PCNX1: variants seen among roughly 807,000 people sequenced by gnomAD.
PCNX1 encodes pecanex-like protein 1.
PCNX1 carries 78 observed loss-of-function variants against 242.2 expected under a neutral mutation model. The observed-to-expected ratio is 0.32, with a 90% CI of 0.27 to 0.39. The LOEUF is 0.39. Among genes scored for constraint, PCNX1 ranks in the 10% least tolerant of loss-of-function variants. The pLI, the probability that PCNX1 is intolerant of heterozygous loss-of-function variation, is 1.00. For synonymous variants in PCNX1, 1,024 were observed against 1,032.9 expected, an observed-to-expected ratio of 0.99 and a Z score of 0.17; for missense variants, 2,581 against 2,856.5, an observed-to-expected ratio of 0.90 and a Z score of 2.20.
intron 2 of PCNX1, among the ~76,000 whole-genome samples, chr14:70,948,091 C>G (rs1229262588): frequency 6.6e-6 from 1 of 152,216 alleles, no homozygotes; most frequent in Non-Finnish European, 1.5e-5. Context: ...CAATGACAAT[C>G]TGTGCATAGC....
At chr14:71,087,092 G>A (rs1040222457) in intron 28 of PCNX1, among the ~76,000 whole-genome samples, 4 of 152,106 alleles carry the variant, frequency 2.6e-5, no homozygotes, top group African/African-American at 4.8e-5. Flanking sequence ...AAGATCACCC[G>A]TCATTTTATC....
At chr14:71,005,131 A>T (rs979467549) in intron 8 of PCNX1, among the ~76,000 whole-genome samples, 36 of 152,174 alleles carry the variant, frequency 2.4e-4, no homozygotes, top group African/African-American at 8.4e-4. Context: ...TTAGAAAAAC[A>T]CTATGGATGA....
intron 7 of PCNX1, among the ~76,000 whole-genome samples, chr14:70,994,425 A>ATATATATATATATATATATATG (rs1463923456): frequency 8.9e-6 from 1 of 112,716 alleles, no homozygotes; most frequent in Non-Finnish European, 1.9e-5. Context: ...ATATATATAT[A>ATATATATATATATATATATATG]TATATGTATG....
chr14:70,962,359 CT>C, intron 3 of PCNX1, 28 bp downstream of exon 3: 13 of 1,250,178 alleles, frequency 1.0e-5, no homozygotes, highest in South Asian at 1.2e-5. Flanking sequence ...TTTATTTTGC[CT>C]TTTTCCCTCC....
chr14:71,033,397 C>T lies in PCNX1; in HGVS notation c.3559-32C>T, dbSNP rs1162379045. ...TATGTGATATATTACAAATTAGAAG[C>T]ATATTATTCTGTTAAATTCATTTTT... On this transcript the variant is annotated intron_variant, in intron 16 of 35. Transcript: ENST00000304743. 3.9e-6 allele frequency: 4 copies of T among 1,019,722 alleles called. No homozygotes were observed. In the African/African-American group the frequency reaches 6.4e-5, roughly 16 times the overall value. The allele number at this position is 1,019,722 out of a possible 1,614,324, so 63.2% of individuals were successfully genotyped here. A position where few individuals can be genotyped will look rare whatever the true frequency, so the allele number is the denominator to read the frequency against.
chr14:71,052,229 T>C (rs75212527), intron 24 of PCNX1, among the ~76,000 whole-genome samples: 2 of 151,728 alleles, frequency 1.3e-5, no homozygotes, highest in Non-Finnish European at 2.9e-5. Flanking sequence ...TTTTTTTTTT[T>C]CATACAGGGT....
chr14:70,970,180 T>A (rs909501202), intron 5 of PCNX1, among the ~76,000 whole-genome samples: 1 of 151,852 alleles, frequency 6.6e-6, no homozygotes, highest in African/African-American at 2.4e-5. Flanking sequence ...GGTAACATAG[T>A]GAGATGCCTG....
intron 24 of PCNX1, among the ~76,000 whole-genome samples, 193 bp downstream of exon 24, chr14:71,052,205 T>C (rs1192310072): frequency 6.6e-6 from 1 of 151,944 alleles, no homozygotes; most frequent in Non-Finnish European, 1.5e-5. Flanking sequence ...ACTTTTTATT[T>C]TTCTTTCTTT....
In PCNX1 at chr14:70,977,853, C is replaced by T; in HGVS notation, c.1516C>T (p.Pro506Ser). The change falls in exon 6 of 36, where the codon CCA becomes TCA. Residue 506 changes from proline to serine, a missense_variant. By Grantham distance (74) the Pro-to-Ser change is moderately conservative. Around this residue, in one of 9 missense-constraint regions of PCNX1, gnomAD observed 1,204 missense variants for 1,216.7 expected, o/e 0.99. Coordinates refer to ENST00000304743, the MANE Select transcript of PCNX1 (RefSeq NM_014982.3). ...TGAATTTACTTCCCAAGGGGACAGA[C>T]CACCTGGGAACACTGCAGAAAACAA... is the stretch of plus-strand genomic sequence containing the variant. The part of the protein sequence containing the change: ...ANEFTSQGDR[P>S]PGNTAENKEE... 6.2e-7 allele frequency: 1 copy of T among 1,614,086 alleles called. No homozygotes were observed. Among genetic ancestry groups the T allele is most frequent in the Non-Finnish European group, 8.5e-7 (1 of 1,180,008 alleles).
intron 8 of PCNX1, among the ~76,000 whole-genome samples, chr14:71,003,080 C>CCTTTTTTTTTTTTTTTTTTTTT (rs2059552444): frequency 1.0e-5 from 1 of 95,472 alleles, no homozygotes; most frequent in African/African-American, 4.7e-5. Flanking sequence ...TGGTTGTCTT[C>CCTTTTTTTTTTTTTTTTTTTTT]TTTTTTTTTT....
intron 5 of PCNX1, among the ~76,000 whole-genome samples, chr14:70,974,538 A>G (rs1267233766): frequency 6.6e-6 from 1 of 152,146 alleles, no homozygotes; most frequent in Non-Finnish European, 1.5e-5. Context: ...TTCAATCGTT[A>G]TTTATAGGAC....
In PCNX1 at chr14:71,019,099, C is replaced by T. The variant is rs1270773241; in HGVS notation, c.3087C>T (p.Phe1029=). The T allele has an allele frequency of 2.5e-6, 4 of 1,613,506 alleles. No individual in the cohort carries two copies. The highest frequency in any genetic ancestry group is 2.2e-5 in the South Asian group (2 of 91,018). ...LGSILLIQGF[F]RDIWVFQFCL... ...CTATTCTTCTCATACAAGGATTCTT[C>T]AGAGATATCTGGGTCTTCCAGTTCT... is the stretch of plus-strand genomic sequence containing the variant. Residue 1029 remains phenylalanine (F), a synonymous_variant, in exon 12 of 36, where the codon TTC becomes TTT. Transcript: ENST00000304743.
chr14:71,100,544 T>C (rs190257187), intron 30 of PCNX1, among the ~76,000 whole-genome samples: 1 of 152,328 alleles, frequency 6.6e-6, no homozygotes, highest in African/African-American at 2.4e-5. Flanking sequence ...GTGTTGACCT[T>C]GGACACCCTG....
intron 8 of PCNX1, among the ~76,000 whole-genome samples, chr14:71,006,608 C>T (rs774493479): frequency 9.2e-5 from 14 of 152,008 alleles, no homozygotes; most frequent in Non-Finnish European, 1.8e-4. Context: ...GGTATTGTAA[C>T]GGCATATTTT....
chr14:71,062,641 A>G (rs1348324187), intron 26 of PCNX1, among the ~76,000 whole-genome samples: 1 of 152,132 alleles, frequency 6.6e-6, no homozygotes, highest in Admixed American at 6.6e-5. Context: ...TATAAAGTAA[A>G]AAAGTTACAG....
At chr14:70,951,531 C>A (rs1243855702) in intron 2 of PCNX1, among the ~76,000 whole-genome samples, 1 of 151,744 alleles carries the variant, frequency 6.6e-6, no homozygotes, top group African/African-American at 2.4e-5. Context: ...TGCACCACCA[C>A]GCCCAGCTAA....
intron 6 of PCNX1, among the ~76,000 whole-genome samples, chr14:70,987,474 A>T (rs1392454991): frequency 6.6e-6 from 1 of 152,226 alleles, no homozygotes; most frequent in Non-Finnish European, 1.5e-5. Flanking sequence ...GTCATAGGCC[A>T]TATATAATTT....
chr14:71,006,835 G>C (rs1431899901), intron 8 of PCNX1, among the ~76,000 whole-genome samples: 2 of 152,132 alleles, frequency 1.3e-5, no homozygotes, highest in Non-Finnish European at 2.9e-5. Flanking sequence ...TTTATCTTCA[G>C]AGTAAAATTT....
rs751514415 is a variant in PCNX1, at chr14:71,050,751, G to A, written c.4438G>A (p.Ala1480Thr). ...TTTCCATGCTTTTGCTCAGCCTTTT[G>A]CAGTGCCTCGTATCCTTCTAATTAA... ...SAFHAFAQPF[A>T]VPHSAMLFIQ... The change falls in exon 23 of 36, where the codon GCA (alanine) becomes ACA (threonine). Residue 1480 changes from alanine to threonine, a missense_variant. This residue lies in a region of PCNX1 where 99 missense variants were observed against 147.3 expected (regional missense o/e 0.67). Transcript: ENST00000304743. The A allele has an allele frequency of 2.4e-5, 38 of 1,613,206 alleles. No individual in the cohort carries two copies. The highest frequency in any genetic ancestry group is 3.1e-5 in the Non-Finnish European group (36 of 1,179,736).
Sources: gnomAD v4.1 joint callset for allele counts (sites outside exome capture counted in the v4.1 genomes callset) on GRCh38, gnomAD v4.1.1 for gene constraint, gnomAD v4.1.1 regional missense constraint, MANE v1.5 for transcripts, NCBI Gene and HGNC (gene_info 2026-07-23, HGNC 2026-07-21) for gene names.